RNF185: variants seen among roughly 807,000 people sequenced by gnomAD.
RNF185 encodes the protein ring finger protein 185, also known as E3 ubiquitin-protein ligase RNF185.
A neutral mutation model predicts 24.9 loss-of-function variants in RNF185; 13 were observed. The ratio of observed to expected loss-of-function variants is 0.52; its 90% CI spans 0.34 to 0.83. RNF185 has a LOEUF of 0.83. Ranked by LOEUF, RNF185 falls within the 40% of genes least tolerant of loss-of-function variation. The pLI, the probability that RNF185 is intolerant of heterozygous loss-of-function variation, is 0.01. For missense variants in RNF185, 184 were observed against 244.7 expected (o/e 0.75, Z 1.65); for synonymous variants, 79 against 90.3 (o/e 0.88, Z 0.71).
At chr22:31,202,166 G>A (rs2048269494) in intron 6 of RNF185, among the ~76,000 whole-genome samples, 1 of 152,100 alleles carries the variant, frequency 6.6e-6, no homozygotes, top group Non-Finnish European at 1.5e-5. Flanking sequence ...TCTACCAACT[G>A]CTGCTGCAGT....
Position 31,167,474 on chromosome 22 carries a change from C to T in RNF185, c.-49+7171C>T, listed in dbSNP as rs191520237. Among the ~76,000 whole-genome samples, 15 of 152,236 alleles carry T rather than the reference C, an allele frequency of 9.9e-5. No individual in the cohort carries two copies. The East Asian group carries it at 2.1e-3, about 22-fold the overall frequency. On this transcript the variant is annotated intron_variant, in intron 1 of 6. Coordinates refer to ENST00000326132, the MANE Select transcript of RNF185 (RefSeq NM_152267.4). ...TGAAGCAATAACTCCTCATTCTCTC[C>T]TCCCCCCAGCTCCTGGTAACCTCTG...
chr22:31,188,522 T>TA (rs2048121571), intron 2 of RNF185, among the ~76,000 whole-genome samples: 1 of 152,072 alleles, frequency 6.6e-6, no homozygotes, highest in Non-Finnish European at 1.5e-5. Context: ...ACATATAACA[T>TA]AAAAAATGTG....
rs1413153007 is a variant in RNF185, at chr22:31,187,418, C to G, written c.176+148C>G. ...AGAGACCTGAGTTCCCATCCCAGCT[C>G]TGCTACCAATGAGCTGGATGACCTT... On this transcript the variant is annotated intron_variant, in intron 2 of 6. Transcript: ENST00000326132. 8.4e-6 allele frequency: 7 copies of G among 835,694 alleles called. No homozygotes were observed. The Admixed American group carries it at 2.0e-4, about 24-fold the overall frequency. 51.8% of individuals were successfully genotyped at this position (835,694 alleles called of 1,614,324 possible). A position where few individuals can be genotyped will look rare whatever the true frequency, so the allele number is the denominator to read the frequency against.
intron 1 of RNF185, among the ~76,000 whole-genome samples, chr22:31,176,480 T>C (rs1474039463): frequency 1.4e-5 from 2 of 145,942 alleles, no homozygotes; most frequent in African/African-American, 5.1e-5. Context: ...ACATCCTGCT[T>C]TTTTCTTTTT....
At chr22:31,176,376 G>A (rs769638379) in intron 1 of RNF185, among the ~76,000 whole-genome samples, 1 of 150,650 alleles carries the variant, frequency 6.6e-6, no homozygotes, top group Non-Finnish European at 1.5e-5. Context: ...CTGGGCTCAA[G>A]CAATCTTCCT....
At position 31,205,352 on chromosome 22, in the gene RNF185, A is replaced by T. The variant is rs1353888786; in HGVS notation, c.*766A>T. 5.9e-6 allele frequency: 1 copy of T among 168,158 alleles called. No individual in the cohort carries two copies. Among genetic ancestry groups the T allele is most frequent in the Non-Finnish European group, 1.5e-5 (1 of 68,148 alleles). 10.4% of individuals were successfully genotyped at this position (168,158 alleles called of 1,614,324 possible). A position where few individuals can be genotyped will look rare whatever the true frequency, so the allele number is the denominator to read the frequency against. ...TCCCATCAGCTTTCTCCCTAAAACT[A>T]TGTTCATCTGCCTCTCTCTGCCAGA... On this transcript the variant is annotated 3_prime_UTR_variant, in exon 7 of 7. Coordinates refer to ENST00000326132, the MANE Select transcript of RNF185 (RefSeq NM_152267.4).
At chr22:31,161,906 A>G (rs1027726354) in intron 1 of RNF185, among the ~76,000 whole-genome samples, 2 of 130,970 alleles carry the variant, frequency 1.5e-5, no homozygotes, top group Non-Finnish European at 3.2e-5. Flanking sequence ...AGTATTTAGT[A>G]GAGATGGGGT....
At chr22:31,201,754 T>C in intron 6 of RNF185, 139 bp downstream of exon 6, 2 of 662,108 alleles carry the variant, frequency 3.0e-6, no homozygotes, top group Non-Finnish European at 5.3e-6. Flanking sequence ...TCTTAAGCTG[T>C]TTTTAGATCA....
At chr22:31,203,443 C>CT (rs890869415) in intron 6 of RNF185, among the ~76,000 whole-genome samples, 3 of 152,220 alleles carry the variant, frequency 2.0e-5, no homozygotes, top group African/African-American at 7.2e-5. Context: ...AGCTCTGCCA[C>CT]TAATTTCTGA....
intron 1 of RNF185, chr22:31,182,935 A>ATTATTATTATTT (rs1489128487): frequency 6.7e-6 from 1 of 148,718 alleles, no homozygotes; most frequent in Non-Finnish European, 1.5e-5. Flanking sequence ...TATTATTATT[A>ATTATTATTATTT]TTTTTGAGAT....
chr22:31,195,430 C>T, intron 3 of RNF185, 39 bp from the exon 4 acceptor site: 3 of 1,446,708 alleles, frequency 2.1e-6, no homozygotes, highest in Non-Finnish European at 2.8e-6. Context: ...TCTGGTGGGT[C>T]TTGGGCCATC....
At chr22:31,200,999 C>G (rs1278856577) in intron 5 of RNF185, among the ~76,000 whole-genome samples, 1 of 152,164 alleles carries the variant, frequency 6.6e-6, no homozygotes, top group Non-Finnish European at 1.5e-5. Context: ...GGTAATGGTT[C>G]TTTGAATGCA....
Position 31,196,934 on chromosome 22 carries a change from A to G in RNF185, c.309-2A>G. ...ACTTATTTTACACCATTTCTGTTTC[A>G]GAGAGAAGACCCCTCCTCGTCCTCA... On this transcript the variant is annotated splice_acceptor_variant, in intron 4 of 6. Transcript: ENST00000326132. LOFTEE classifies it high-confidence loss of function. The G allele has an allele frequency of 6.2e-7, 1 of 1,612,116 alleles. No homozygotes were observed. The highest frequency in any genetic ancestry group is 8.5e-7 in the Non-Finnish European group (1 of 1,179,328).
chr22:31,201,513 G>C lies in RNF185; in HGVS notation c.379G>C (p.Gly127Arg). The C allele has an allele frequency of 6.2e-7, 1 of 1,611,468 alleles. No homozygotes were observed. Among genetic ancestry groups the C allele is most frequent in the Non-Finnish European group, 8.5e-7 (1 of 1,179,318 alleles). ...PENRGGFQGFGFGDGGFQMSF... is the reference protein window; with the variant it reads ...PENRGGFQGFRFGDGGFQMSF... ...TTCCACACAGGGATTTCAAGGATTT[G>C]GATTTGGAGATGGTGGCTTCCAGAT... Residue 127 changes from glycine to arginine, a missense_variant, in exon 6 of 7, where the codon GGA becomes CGA. Physicochemically the swap from Gly to Arg is moderately radical, Grantham distance 125. Transcript: ENST00000326132.
intron 2 of RNF185, among the ~76,000 whole-genome samples, chr22:31,191,705 A>AGGCTG (rs2048157366): frequency 6.6e-6 from 1 of 151,828 alleles, no homozygotes; most frequent in Non-Finnish European, 1.5e-5. Flanking sequence ...GGTGGCACAC[A>AGGCTG]CCTATAATCC....
At position 31,173,416 on chromosome 22, in the gene RNF185, G is replaced by GACACACACACACACAC. The variant is rs55812227; in HGVS notation, c.-49+13124_-49+13139dup. ...CTGTCAACTCATTCACACACACACA[G>GACACACACACACACAC]ACACACACACACACACACACACACA... On this transcript the variant is annotated intron_variant, in intron 1 of 6. Transcript: ENST00000326132. 7.7e-3 allele frequency among the ~76,000 whole-genome samples: 1,135 copies of GACACACACACACACAC among 146,892 alleles called. 17 individuals carry two copies. The highest frequency in any genetic ancestry group is 0.01 in the Non-Finnish European group (680 of 67,042).
chr22:31,169,654 C>G (rs1444696043), intron 1 of RNF185, among the ~76,000 whole-genome samples: 1 of 152,180 alleles, frequency 6.6e-6, no homozygotes, highest in Non-Finnish European at 1.5e-5. Flanking sequence ...TCAAGCAGTC[C>G]TCCCACCTTT....
Position 31,173,250 on chromosome 22 carries a change from T to TA in RNF185, c.-49+12960dup, listed in dbSNP as rs35621856. Among the ~76,000 whole-genome samples, 30 of 148,840 alleles carry TA rather than the reference T, an allele frequency of 2.0e-4. No homozygotes were observed. The South Asian group carries it at 4.7e-3, about 23-fold the overall frequency. ...TTGTGTAAGAGTTTTGGGTAATACT[T>TA]AAAAAAAAAAAAATTGACTCTAAGT... On this transcript the variant is annotated intron_variant, in intron 1 of 6. Coordinates refer to ENST00000326132, the MANE Select transcript of RNF185 (RefSeq NM_152267.4).
rs567264606 is a variant in RNF185 at position 31,180,915 on chromosome 22, C to CTGTGTGTGTGTGTG, written c.-48-6102_-48-6089dup. Reference sequence around the variant, plus strand: ...TTTTCTAGGCATTTTCTCTCTCTCTCTGTGTGTGTGTGTGTGTGTGTGTGT... The same window carrying CTGTGTGTGTGTGTG: ...TTTTCTAGGCATTTTCTCTCTCTCTCTGTGTGTGTGTGTGTGTGTGTGTGTGTGTGTGTGTGTGT... On this transcript the variant is annotated intron_variant, in intron 1 of 6. Coordinates refer to ENST00000326132, the MANE Select transcript of RNF185 (RefSeq NM_152267.4). Among the ~76,000 whole-genome samples, 19 of 96,856 alleles carry CTGTGTGTGTGTGTG rather than the reference C, an allele frequency of 2.0e-4. No homozygotes were observed. In the Admixed American group the frequency reaches 2.0e-3, roughly 10 times the overall value. The allele number at this position is 96,856 out of a possible 152,430, so 63.5% of individuals were successfully genotyped here. A position where few individuals can be genotyped will look rare whatever the true frequency, so the allele number is the denominator to read the frequency against.
Sources: allele counts gnomAD v4.1 joint callset (sites outside exome capture counted in the v4.1 genomes callset), GRCh38; gene constraint gnomAD v4.1.1; transcripts MANE v1.5; gene names NCBI Gene and HGNC (gene_info 2026-07-23, HGNC 2026-07-21).